The following CORO2A variants were observed in gnomAD, a reference collection of about 807,000 sequenced individuals.
CORO2A encodes coronin 2A, also known as coronin-2A.
A neutral mutation model predicts 62.4 loss-of-function variants in CORO2A; 47 were observed. The observed-to-expected ratio is 0.75, with a 90% CI of 0.60 to 0.96. The LOEUF is 0.96. Among genes scored for constraint, CORO2A ranks in the 40% least tolerant of loss-of-function variants. CORO2A has a pLI of 0.00. For missense variants in CORO2A, 610 were observed against 684.1 expected, an observed-to-expected ratio of 0.89 and a Z score of 1.21; for synonymous variants, 273 against 268.9, an observed-to-expected ratio of 1.02 and a Z score of -0.15.
At chr9:98,175,422 T>G (rs538544549) in intron 1 of CORO2A, among the ~76,000 whole-genome samples, 1 of 152,266 alleles carries the variant, frequency 6.6e-6, no homozygotes, top group African/African-American at 2.4e-5. Flanking sequence ...CAACTCCCAC[T>G]GGGCTTCAGC....
At chr9:98,131,893 CCTT>C (rs1396178404) in intron 6 of CORO2A, among the ~76,000 whole-genome samples, 1 of 152,112 alleles carries the variant, frequency 6.6e-6, no homozygotes, top group East Asian at 1.9e-4. Flanking sequence ...ATGGCCCTCT[CCTT>C]CTCCCTTCCT....
In CORO2A at chr9:98,132,019, C is replaced by T. The variant is rs574511230; in HGVS notation, c.765+166G>A. On this transcript the variant is annotated intron_variant, in intron 6 of 11. Transcript: ENST00000375077. ...AAGATACACAGGGTCTGGGCTCGCCCGGGGCTGTCAGCATCTCCCTGCTAT... is the reference window on the plus strand; with the variant it reads ...AAGATACACAGGGTCTGGGCTCGCCTGGGGCTGTCAGCATCTCCCTGCTAT... Among the ~76,000 whole-genome samples, 26 of 152,300 alleles carry T rather than the reference C, an allele frequency of 1.7e-4. No homozygotes were observed. In the South Asian group the frequency reaches 4.8e-3, roughly 28 times the overall value.
Position 98,134,895 on chromosome 9 carries a change from C to T in CORO2A, c.379G>A (p.Glu127Lys), listed in dbSNP as rs745927211. ...ACTCTGCGCGCGTGGCCCACGAGTT[C>T]CTTCCTGTAGGCCGTGAGGTTCCTG... ...LTRNLTAYRK[E>K]LVGHARRVGL... Residue 127 changes from glutamate (E) to lysine (K), a missense_variant, in exon 4 of 12, where the codon GAA becomes AAA. Glu to Lys is a moderately conservative substitution (Grantham distance 56). Coordinates refer to ENST00000375077, the MANE Select transcript of CORO2A (RefSeq NM_052820.4). 1.9e-6 allele frequency: 3 copies of T among 1,614,190 alleles called. No individual in the cohort carries two copies. Among genetic ancestry groups the T allele is most frequent in the Admixed American group, 1.7e-5 (1 of 60,018 alleles).
rs76004754 is a variant in CORO2A, at chr9:98,162,090, G to T, written c.1-4430C>A. On this transcript the variant is annotated intron_variant, in intron 1 of 11. Transcript: ENST00000375077. The stretch of plus-strand genomic sequence containing the variant: ...TTCCATGCATGAATAGAGCAAGTGG[G>T]TGCTACCTTGCTCCCCCGTTCAGAT... Among the ~76,000 whole-genome samples, 173 of 152,294 alleles carry T rather than the reference G, an allele frequency of 1.1e-3. 2 individuals are homozygous for T. The East Asian group carries it at 0.031, about 28-fold the overall frequency.
chr9:98,138,021 A>G (rs1319043506), intron 2 of CORO2A, among the ~76,000 whole-genome samples: 2 of 152,260 alleles, frequency 1.3e-5, no homozygotes, highest in Non-Finnish European at 2.9e-5. Context: ...TAGGCATGTA[A>G]AATGGTGCAG....
At chr9:98,147,973 G>A (rs1827665795) in intron 2 of CORO2A, among the ~76,000 whole-genome samples, 1 of 152,074 alleles carries the variant, frequency 6.6e-6, no homozygotes, top group Admixed American at 6.6e-5. Flanking sequence ...AGAGGCAGGA[G>A]TGGTGGCTCA....
At chr9:98,140,996 G>C (rs1827557588) in intron 2 of CORO2A, among the ~76,000 whole-genome samples, 1 of 152,156 alleles carries the variant, frequency 6.6e-6, no homozygotes, top group African/African-American at 2.4e-5. Flanking sequence ...TAATGTAAGA[G>C]AATATTTGTA....
intron 2 of CORO2A, among the ~76,000 whole-genome samples, chr9:98,153,646 CCAAACA>C (rs1355265726): frequency 1.1e-5 from 1 of 89,262 alleles, no homozygotes; most frequent in Admixed American, 1.0e-4. Flanking sequence ...TTCTCTGTTT[CCAAACA>C]CACACACACA....
At chr9:98,179,262 G>T (rs1453683521) in intron 1 of CORO2A, among the ~76,000 whole-genome samples, 1 of 152,204 alleles carries the variant, frequency 6.6e-6, no homozygotes, top group African/African-American at 2.4e-5. Flanking sequence ...AGAGCATGAG[G>T]ATTCTGCCTC....
intron 4 of CORO2A, among the ~76,000 whole-genome samples, chr9:98,134,353 TC>T (rs890669885): frequency 6.6e-6 from 1 of 152,134 alleles, no homozygotes; most frequent in Non-Finnish European, 1.5e-5. Context: ...GGCAGTGCCA[TC>T]CCATCCACTC....
At chr9:98,170,446 G>A (rs1430716003) in intron 1 of CORO2A, among the ~76,000 whole-genome samples, 1 of 152,112 alleles carries the variant, frequency 6.6e-6, no homozygotes, top group Non-Finnish European at 1.5e-5. Flanking sequence ...TTCTTTTATT[G>A]TTGTTGTTTT....
At chr9:98,139,091 T>C (rs893063796) in intron 2 of CORO2A, among the ~76,000 whole-genome samples, 1 of 150,474 alleles carries the variant, frequency 6.6e-6, no homozygotes, top group South Asian at 2.1e-4. Context: ...GATACATTCA[T>C]GGAGACAGAA....
At chr9:98,156,687 G>A (rs1221922510) in intron 2 of CORO2A, among the ~76,000 whole-genome samples, 3 of 152,212 alleles carry the variant, frequency 2.0e-5, no homozygotes, top group Admixed American at 6.5e-5. Flanking sequence ...GGGGGTCTAA[G>A]TCTGCTATTT....
chr9:98,160,033 T>C (rs543300883), intron 1 of CORO2A, among the ~76,000 whole-genome samples: 73 of 152,336 alleles, frequency 4.8e-4, no homozygotes, highest in African/African-American at 1.7e-3. Context: ...GCCTGACCCC[T>C]GAGGCAAGCC....
chr9:98,173,365 A>T (rs1828065085), intron 1 of CORO2A, among the ~76,000 whole-genome samples: 1 of 152,102 alleles, frequency 6.6e-6, no homozygotes, highest in South Asian at 2.1e-4. Context: ...GGCGCGGAGG[A>T]TTATCTCCAC....
chr9:98,154,329 G>A (rs812280), intron 2 of CORO2A, among the ~76,000 whole-genome samples: 23,548 of 85,284 alleles, frequency 0.28, 3,734 homozygotes, highest in East Asian at 0.39. Flanking sequence ...GTGTTTGTGT[G>A]TATATATATA....
chr9:98,131,360 C>T (rs1827406548), intron 6 of CORO2A, among the ~76,000 whole-genome samples: 1 of 147,426 alleles, frequency 6.8e-6, no homozygotes, highest in Non-Finnish European at 1.5e-5. Context: ...CAAGGTCTAA[C>T]TGTCACCCAG....
intron 1 of CORO2A, among the ~76,000 whole-genome samples, chr9:98,185,359 A>G (rs1479704048): frequency 6.6e-6 from 1 of 152,256 alleles, no homozygotes; most frequent in East Asian, 1.9e-4. Context: ...GATCATTACA[A>G]TGACTAAGGC....
intron 1 of CORO2A, among the ~76,000 whole-genome samples, chr9:98,185,148 G>C (rs948000974): frequency 3.3e-5 from 5 of 152,082 alleles, no homozygotes; most frequent in African/African-American, 1.2e-4. Context: ...AGCTCCTCTA[G>C]GGAGCCTTCC....
Sources: gnomAD v4.1 joint callset for allele counts (sites outside exome capture counted in the v4.1 genomes callset) on GRCh38, gnomAD v4.1.1 for gene constraint, MANE v1.5 for transcripts, NCBI Gene and HGNC (gene_info 2026-07-23, HGNC 2026-07-21) for gene names.